Variants in NBN observed in about 807,000 individuals in gnomAD.
NBN encodes Nijmegen breakage syndrome 1 (nibrin).
NBN carries 88 observed loss-of-function variants against 90.8 expected under a neutral mutation model. That is an observed-to-expected ratio of 0.97 (90% CI 0.82 to 1.16). NBN has a LOEUF of 1.16. NBN is among the 50% of genes most tolerant of loss of function. NBN has a pLI of 0.00. For missense variants in NBN, 894 were observed against 869.6 expected, an observed-to-expected ratio of 1.03 and a Z score of -0.35; for synonymous variants, 328 against 295.1, an observed-to-expected ratio of 1.11 and a Z score of -1.14.
chr8:89,964,306 G>T, intron 8 of NBN, 104 bp downstream of exon 8: 1 of 1,268,490 alleles, frequency 7.9e-7, no homozygotes, highest in Non-Finnish European at 1.1e-6. Flanking sequence ...TTTAAAACAT[G>T]GTGAATATGG....
rs999726971 is a variant in NBN at position 89,983,119 on chromosome 8, GA to G, written c.38-265del. Among the ~76,000 whole-genome samples the G allele has an allele frequency of 3.9e-4, 59 of 151,708 alleles. 1 individual carries two copies. The highest frequency in any genetic ancestry group is 2.4e-3 in the Admixed American group (36 of 15,254). ...TAAAATACAATAAAAAAGAGAAAAA[GA>G]AAAAAAGGTTATCTAAACAGATAGA... On this transcript the variant is annotated intron_variant, in intron 1 of 15. Transcript: ENST00000265433.
At chr8:89,967,401 T>C (rs1811306998) in intron 7 of NBN, among the ~76,000 whole-genome samples, 1 of 152,234 alleles carries the variant, frequency 6.6e-6, no homozygotes, top group Admixed American at 6.5e-5. Context: ...ACCACGTAAG[T>C]TATTTTCAAA....
chr8:89,975,488 T>C (rs566582194), intron 5 of NBN, among the ~76,000 whole-genome samples: 2 of 152,344 alleles, frequency 1.3e-5, no homozygotes, highest in South Asian at 2.1e-4. Context: ...CAGATAGGTA[T>C]AGGACTCTAT....
At chr8:89,978,877 T>C (rs1811906219) in intron 4 of NBN, among the ~76,000 whole-genome samples, 1 of 152,168 alleles carries the variant, frequency 6.6e-6, no homozygotes, top group Non-Finnish European at 1.5e-5. Flanking sequence ...AACTCACATG[T>C]GAATTAAGCT....
intron 5 of NBN, among the ~76,000 whole-genome samples, chr8:89,977,058 T>A (rs1216010428): frequency 6.6e-6 from 1 of 152,204 alleles, no homozygotes; most frequent in Non-Finnish European, 1.5e-5. Context: ...TTTAAAATTT[T>A]TTTTTTAATG....
chr8:89,971,051 C>T, intron 6 of NBN, 122 bp downstream of exon 6: 2 of 1,080,912 alleles, frequency 1.9e-6, no homozygotes, highest in Admixed American at 2.4e-5. Flanking sequence ...TTTTTTTATT[C>T]TACTTCACAC....
intron 4 of NBN, 98 bp downstream of exon 4, chr8:89,980,636 T>C (rs967334780): frequency 6.0e-6 from 6 of 995,820 alleles, no homozygotes; most frequent in Non-Finnish European, 9.2e-6. Flanking sequence ...CTAACAGTTC[T>C]GATAGTTTTA....
rs1172365532 is a variant in NBN, at chr8:89,982,794, A to C, written c.99T>G (p.Ile33Met). ...TGATCGACTGATCATTTTCAATCAG[A>C]ATGGCACAGTTTTTCCTTCCAACAA... ...EYVVGRKNCAILIENDQSISR... is the reference protein window; with the variant it reads ...EYVVGRKNCAMLIENDQSISR... Residue 33 changes from isoleucine to methionine, a missense_variant, in exon 2 of 16, where the codon ATT (isoleucine) becomes ATG (methionine). Ile to Met is a conservative substitution (Grantham distance 10, BLOSUM62 1). Coordinates refer to ENST00000265433, the MANE Select transcript of NBN (RefSeq NM_002485.5). 6.2e-7 allele frequency: 1 copy of C among 1,613,922 alleles called. No homozygotes were observed. Among genetic ancestry groups the C allele is most frequent in the African/African-American group, 1.3e-5 (1 of 75,046 alleles).
At chr8:89,971,049 T>A in intron 6 of NBN, 124 bp downstream of exon 6, 1 of 1,069,164 alleles carries the variant, frequency 9.4e-7, no homozygotes, top group South Asian at 1.5e-5. Context: ...GGTTTTTTTA[T>A]TCTACTTCAC....
chr8:89,941,074 T>C (rs1033451408), intron 14 of NBN, among the ~76,000 whole-genome samples: 39 of 152,072 alleles, frequency 2.6e-4, no homozygotes, highest in African/African-American at 8.7e-4. Flanking sequence ...GCAGAAAAAA[T>C]AGATGTGGAC....
intron 7 of NBN, among the ~76,000 whole-genome samples, chr8:89,967,555 C>T (rs1011721042): frequency 1.3e-5 from 2 of 152,052 alleles, no homozygotes; most frequent in Non-Finnish European, 2.9e-5. Context: ...ATGATTCATC[C>T]AATTCTGTGC....
chr8:89,948,126 A>G (rs1377793823), intron 11 of NBN, among the ~76,000 whole-genome samples: 2 of 152,224 alleles, frequency 1.3e-5, no homozygotes, highest in African/African-American at 4.8e-5. Flanking sequence ...AAGAATTGGA[A>G]GCGATCTAAA....
At chr8:89,984,226 T>C (rs772006075) in intron 1 of NBN, 1 of 528,982 alleles carries the variant, frequency 1.9e-6, no homozygotes, top group Non-Finnish European at 3.4e-6. Context: ...CATCCAGCCC[T>C]AGCGCTGCAA....
chr8:89,977,336 CTG>C (rs1247037163), intron 5 of NBN, among the ~76,000 whole-genome samples: 2 of 152,130 alleles, frequency 1.3e-5, no homozygotes, highest in East Asian at 3.9e-4. Flanking sequence ...TTTTCTGTTC[CTG>C]TGTTAGTTTG....
chr8:89,951,860 T>C (rs1810462396), intron 11 of NBN, among the ~76,000 whole-genome samples: 2 of 152,230 alleles, frequency 1.3e-5, no homozygotes, highest in Non-Finnish European at 2.9e-5. Context: ...CAACTCTTTA[T>C]CAGGGACAGC....
Position 89,947,889 on chromosome 8 carries a change from C to T in NBN, c.1849G>A (p.Glu617Lys), listed in dbSNP as rs766602873. The T allele has an allele frequency of 3.2e-6, 5 of 1,549,686 alleles. No homozygotes were observed. Among genetic ancestry groups the T allele is most frequent in the Non-Finnish European group, 4.4e-6 (5 of 1,129,794 alleles). ...AVPESSKISQ[E>K]NEIGKKRELK... is the part of the protein sequence containing the mutation. Reference sequence around the variant, plus strand: ...TCACGTTTCTTCCCAATTTCATTTTCTTGCTAAAGAAATAAAATAAAAAAT... The same window carrying T: ...TCACGTTTCTTCCCAATTTCATTTTTTTGCTAAAGAAATAAAATAAAAAAT... The change falls in exon 12 of 16, where the codon GAA (glutamate) becomes AAA (lysine). Residue 617 changes from glutamate (E) to lysine (K), a missense_variant. Transcript: ENST00000265433.
rs1809970006 is a variant in NBN, at chr8:89,941,967, G to A, written c.2184+1286C>T. Among the ~76,000 whole-genome samples the A allele has an allele frequency of 2.6e-5, 4 of 152,230 alleles. No homozygotes were observed. The East Asian group carries it at 7.7e-4, about 29-fold the overall frequency. ...CTATACCCACTATAAAGCAAAATAA[G>A]GAACCCTGAGAGGTTAGCAAGGACC... On this transcript the variant is annotated intron_variant, in intron 14 of 15. Transcript: ENST00000265433.
At chr8:89,967,877 A>C (rs1286234951) in intron 7 of NBN, among the ~76,000 whole-genome samples, 1 of 152,160 alleles carries the variant, frequency 6.6e-6, no homozygotes, top group Non-Finnish European at 1.5e-5. Context: ...GCTTCATATA[A>C]TTGCTCCTTC....
intron 14 of NBN, 73 bp downstream of exon 14, chr8:89,943,180 A>G: frequency 6.7e-7 from 1 of 1,498,768 alleles, no homozygotes; most frequent in Non-Finnish European, 9.3e-7. Context: ...TTTTAAGAAG[A>G]ATTTGCTTGA....
Sources: allele counts gnomAD v4.1 joint callset (sites outside exome capture counted in the v4.1 genomes callset), GRCh38; gene constraint gnomAD v4.1.1; transcripts MANE v1.5; gene names NCBI Gene and HGNC (gene_info 2026-07-23, HGNC 2026-07-21).